Variants in NCALD observed in about 807,000 individuals in gnomAD.
NCALD encodes neurocalcin-delta.
NCALD carries 10 observed loss-of-function variants against 18.6 expected under a neutral mutation model. The ratio of observed to expected loss-of-function variants is 0.54; its 90% CI spans 0.33 to 0.91. NCALD has a LOEUF of 0.91. Ranked by LOEUF, NCALD falls within the 40% of genes least tolerant of loss-of-function variation. NCALD has a pLI of 0.03. For missense variants in NCALD, 184 were observed against 247.6 expected (o/e 0.74, Z 1.72); for synonymous variants, 88 against 87.4 (o/e 1.01, Z -0.04).
intron 1 of NCALD, among the ~76,000 whole-genome samples, chr8:101,753,232 T>TA (rs1810731562): frequency 6.6e-6 from 1 of 152,120 alleles, no homozygotes; most frequent in Non-Finnish European, 1.5e-5. Flanking sequence ...TTGAATTGTA[T>TA]AAAGGGCTGA....
chr8:102,027,041 G>A (rs1287463500), intron 1 of NCALD, among the ~76,000 whole-genome samples: 1 of 152,258 alleles, frequency 6.6e-6, no homozygotes, highest in Non-Finnish European at 1.5e-5. Flanking sequence ...TCCCAAGGCT[G>A]CACAGGGCAG....
intron 1 of NCALD, among the ~76,000 whole-genome samples, chr8:101,783,081 G>A (rs1354951553): frequency 6.6e-6 from 1 of 152,220 alleles, no homozygotes; most frequent in Non-Finnish European, 1.5e-5. Context: ...GTAAGCAAAT[G>A]AGGAACAGCT....
chr8:102,085,369 T>C lies in NCALD; in HGVS notation c.-210+38868A>G, dbSNP rs140277588. Among the ~76,000 whole-genome samples, 3 of 152,320 alleles carry C rather than the reference T, an allele frequency of 2.0e-5. No homozygotes were observed. The East Asian group carries it at 5.8e-4, about 29-fold the overall frequency. On this transcript the variant is annotated intron_variant, in intron 1 of 6. Coordinates refer to the NCALD transcript ENST00000311028. ...ACCCTCTCTAGACAGTAAACTCCTA[T>C]CTATGCAGCATAAACAGTACTTCCC...
intron 1 of NCALD, among the ~76,000 whole-genome samples, chr8:102,078,650 G>A (rs995274335): frequency 2.6e-5 from 4 of 152,144 alleles, no homozygotes; most frequent in African/African-American, 7.2e-5. Flanking sequence ...GACTCATGCT[G>A]GCCTCTTTGC....
intron 1 of NCALD, among the ~76,000 whole-genome samples, chr8:102,117,977 C>A (rs956447421): frequency 1.6e-4 from 24 of 152,196 alleles, no homozygotes; most frequent in African/African-American, 5.3e-4. Context: ...TGCACTAGCT[C>A]CCAATGTTGG....
intron 2 of NCALD, among the ~76,000 whole-genome samples, chr8:101,996,978 G>A (rs1803998154): frequency 6.6e-6 from 1 of 152,236 alleles, no homozygotes; most frequent in South Asian, 2.1e-4. Context: ...GCACAGGTCA[G>A]ATCAATAAGA....
At chr8:101,702,042 T>C (rs978704976) in intron 2 of NCALD, among the ~76,000 whole-genome samples, 1 of 152,122 alleles carries the variant, frequency 6.6e-6, no homozygotes, top group African/African-American at 2.4e-5. Context: ...GCTTTAAGCA[T>C]TTTCACAGGC....
At chr8:101,976,675 A>G (rs888601439) in intron 2 of NCALD, among the ~76,000 whole-genome samples, 1 of 152,222 alleles carries the variant, frequency 6.6e-6, no homozygotes, top group African/African-American at 2.4e-5. Context: ...AATGCCTGTC[A>G]TTGAATAAAC....
intron 1 of NCALD, among the ~76,000 whole-genome samples, chr8:101,777,815 A>G (rs575605476): frequency 6.6e-6 from 1 of 152,308 alleles, no homozygotes; most frequent in Admixed American, 6.5e-5. Flanking sequence ...AAATCAAGAA[A>G]AGTTACCATC....
At chr8:101,744,793 T>C (rs781169281) in intron 1 of NCALD, among the ~76,000 whole-genome samples, 2 of 152,082 alleles carry the variant, frequency 1.3e-5, no homozygotes, top group Non-Finnish European at 2.9e-5. Context: ...TATGCAGTAC[T>C]CTGGTAAGTG....
At chr8:101,955,784 T>C (rs2131829157) in intron 2 of NCALD, among the ~76,000 whole-genome samples, 1 of 152,262 alleles carries the variant, frequency 6.6e-6, no homozygotes, top group Admixed American at 6.5e-5. Flanking sequence ...ATAGAAGATA[T>C]TGAGACAATT....
chr8:102,069,460 G>A (rs1211997215), intron 1 of NCALD, among the ~76,000 whole-genome samples: 2 of 152,140 alleles, frequency 1.3e-5, no homozygotes, highest in African/African-American at 4.8e-5. Flanking sequence ...ATTTTCTGCA[G>A]GAATGTTTTG....
chr8:101,893,072 A>G (rs1160355659), intron 3 of NCALD, among the ~76,000 whole-genome samples: 91 of 150,858 alleles, frequency 6.0e-4, no homozygotes, highest in African/African-American at 2.2e-3. Context: ...CAGATTCACC[A>G]AAGTTGAAAT....
intron 1 of NCALD, among the ~76,000 whole-genome samples, chr8:102,042,991 T>G (rs1111908): frequency 0.38 from 57,748 of 151,596 alleles, 11,576 homozygotes; most frequent in African/African-American, 0.41. Flanking sequence ...CAGTCCAGTC[T>G]TGTATGTAAA....
At chr8:101,826,240 G>A (rs972415588) in intron 4 of NCALD, among the ~76,000 whole-genome samples, 5 of 152,186 alleles carry the variant, frequency 3.3e-5, no homozygotes, top group African/African-American at 7.2e-5. Flanking sequence ...GACCCTAGGC[G>A]GGAGTGTTTC....
intron 2 of NCALD, among the ~76,000 whole-genome samples, chr8:102,012,432 T>A (rs961879307): frequency 2.0e-5 from 3 of 152,222 alleles, no homozygotes; most frequent in African/African-American, 7.2e-5. Flanking sequence ...GGTAGGGAGC[T>A]GGGCTAATTG....
rs7821561 is a variant in NCALD, at chr8:101,689,933, G to A, written c.485-527C>T. 0.24 allele frequency among the ~76,000 whole-genome samples: 36,950 copies of A among 152,168 alleles called. 7,079 individuals carry two copies. Among genetic ancestry groups the A allele is most frequent in the African/African-American group, 0.54 (22,305 of 41,494 alleles). On this transcript the variant is annotated intron_variant, in intron 3 of 3. Coordinates refer to ENST00000220931, the MANE Select transcript of NCALD (RefSeq NM_032041.3). The surrounding 1 kb of genome is among the most constrained non-coding windows in gnomAD (Gnocchi z 4.4). ...CCCATCCTATCTTGGGGAAGAAGCC[G>A]TGGACGTAAGTGTTTGTTCATACAC...
At chr8:102,090,343 A>G (rs1428375816) in intron 1 of NCALD, among the ~76,000 whole-genome samples, 1 of 152,202 alleles carries the variant, frequency 6.6e-6, no homozygotes, top group East Asian at 1.9e-4. Flanking sequence ...TTTGCCATCC[A>G]CAGATGATTA....
At chr8:101,697,592 C>A (rs1815060058) in intron 2 of NCALD, among the ~76,000 whole-genome samples, 1 of 152,096 alleles carries the variant, frequency 6.6e-6, no homozygotes, top group African/African-American at 2.4e-5. Flanking sequence ...AAAAGCTTAT[C>A]CACCATGATC....
Sources: gnomAD v4.1 joint callset for allele counts (sites outside exome capture counted in the v4.1 genomes callset) on GRCh38, gnomAD v4.1.1 for gene constraint, Gnocchi (gnomAD v3.1) non-coding constraint, MANE v1.5 for transcripts, NCBI Gene and HGNC (gene_info 2026-07-23, HGNC 2026-07-21) for gene names.